The following ADAMTSL1 variants were observed in gnomAD, a reference collection of about 807,000 sequenced individuals.
The protein encoded by ADAMTSL1 is ADAMTS like 1.
A neutral mutation model predicts 201.8 loss-of-function variants in ADAMTSL1; 126 were observed. The observed-to-expected ratio is 0.62, with a 90% confidence interval of 0.54 to 0.72. The LOEUF is 0.72. ADAMTSL1 is among the 30% of genes least tolerant of loss of function. ADAMTSL1 has a pLI of 0.00. For missense variants in ADAMTSL1, 2,679 were observed against 2,277.8 expected (o/e 1.18, Z -3.59); for synonymous variants, 1,121 against 903.4 (o/e 1.24, Z -4.32).
At chr9:18,419,932 G>A (rs1314843348) in intron 2 of ADAMTSL1, among the ~76,000 whole-genome samples, 1 of 152,020 alleles carries the variant, frequency 6.6e-6, no homozygotes, top group Non-Finnish European at 1.5e-5. Context: ...GTTTCACCAT[G>A]TTGGTCAGGC....
At chr9:18,402,002 G>A (rs78758316) in intron 2 of ADAMTSL1, among the ~76,000 whole-genome samples, 3,081 of 152,264 alleles carry the variant, frequency 0.02, 44 homozygotes, top group Non-Finnish European at 0.03. Context: ...GGGAAGGAAA[G>A]CAGATTTCTT....
At chr9:18,104,103 C>G (rs10963451) in intron 1 of ADAMTSL1, among the ~76,000 whole-genome samples, 5,579 of 152,256 alleles carry the variant, frequency 0.037, 373 homozygotes, top group East Asian at 0.35. Flanking sequence ...CTTAGGGGAA[C>G]TACTTGTTCA....
intron 2 of ADAMTSL1, among the ~76,000 whole-genome samples, chr9:18,268,722 A>G (rs984540287): frequency 3.3e-5 from 5 of 152,198 alleles, no homozygotes; most frequent in Non-Finnish European, 7.3e-5. Context: ...TGTGGACTTT[A>G]AAAGAAGGAA....
Position 17,956,842 on chromosome 9 carries a change from T to G in ADAMTSL1, c.87+49920T>G, listed in dbSNP as rs552859733. ...AGATGAGCTCAGGGGGTCTGGGATA[T>G]TAGATAGACTTATATTTCATTGGGG... On this transcript the variant is annotated intron_variant, in intron 1 of 29. Coordinates refer to the ADAMTSL1 transcript ENST00000680146. Among the ~76,000 whole-genome samples the G allele has an allele frequency of 7.2e-5, 11 of 152,288 alleles. No homozygotes were observed. In the South Asian group the frequency reaches 2.1e-3, roughly 29 times the overall value.
intron 5 of ADAMTSL1, among the ~76,000 whole-genome samples, chr9:18,627,230 C>T (rs1826447231): frequency 6.6e-6 from 1 of 152,176 alleles, no homozygotes; most frequent in African/African-American, 2.4e-5. Context: ...GATCTGCCCA[C>T]CTCAACCTCC....
intron 2 of ADAMTSL1, among the ~76,000 whole-genome samples, chr9:18,399,338 A>T (rs7868636): frequency 0.22 from 16,748 of 77,430 alleles, 1,983 homozygotes; most frequent in South Asian, 0.31. Flanking sequence ...TAAAATTATT[A>T]TTTTCTTTTT....
chr9:18,263,686 G>A (rs1050078082), intron 2 of ADAMTSL1, among the ~76,000 whole-genome samples: 1 of 152,150 alleles, frequency 6.6e-6, no homozygotes, highest in Admixed American at 6.5e-5. Context: ...ACCCCCTAAG[G>A]GAGTAATTAA....
chr9:18,725,740 G>A (rs1817849275), intron 15 of ADAMTSL1, among the ~76,000 whole-genome samples: 1 of 151,952 alleles, frequency 6.6e-6, no homozygotes, highest in African/African-American at 2.4e-5. Context: ...TTCAGTTCTA[G>A]TTCCTTCTTA....
At chr9:18,042,441 G>A (rs950103245) in intron 1 of ADAMTSL1, among the ~76,000 whole-genome samples, 1 of 152,076 alleles carries the variant, frequency 6.6e-6, no homozygotes, top group Admixed American at 6.6e-5. Flanking sequence ...ACTGAGATAA[G>A]TTAAAAAAGA....
intron 1 of ADAMTSL1, among the ~76,000 whole-genome samples, chr9:18,496,882 G>C (rs1385424127): frequency 6.6e-6 from 1 of 152,208 alleles, no homozygotes; most frequent in Non-Finnish European, 1.5e-5. Flanking sequence ...CCTCTGGTTA[G>C]ATTAGATGGA....
chr9:18,089,594 T>G (rs192565963), intron 1 of ADAMTSL1, among the ~76,000 whole-genome samples: 10 of 152,236 alleles, frequency 6.6e-5, no homozygotes, highest in Admixed American at 2.6e-4. Flanking sequence ...TGTGCATGTA[T>G]CCCAGAACTT....
intron 2 of ADAMTSL1, among the ~76,000 whole-genome samples, chr9:18,277,499 G>T (rs981737025): frequency 6.6e-6 from 1 of 152,126 alleles, no homozygotes; most frequent in Non-Finnish European, 1.5e-5. Flanking sequence ...TTGTCTTGAT[G>T]AGTTGACTTC....
At chr9:18,439,065 G>A (rs566343336) in intron 2 of ADAMTSL1, among the ~76,000 whole-genome samples, 2 of 151,358 alleles carry the variant, frequency 1.3e-5, no homozygotes, top group Non-Finnish European at 2.9e-5. Flanking sequence ...AATTCCTTTG[G>A]AGGCTTCCTG....
intron 23 of ADAMTSL1, among the ~76,000 whole-genome samples, chr9:18,858,051 TAA>T (rs71494989): frequency 1.7e-4 from 26 of 151,272 alleles, no homozygotes; most frequent in African/African-American, 5.8e-4. Context: ...ACCCAGAATT[TAA>T]AAAAAAAATG....
chr9:18,401,712 A>G (rs1329717), intron 2 of ADAMTSL1, among the ~76,000 whole-genome samples: 84,743 of 151,980 alleles, frequency 0.56, 24,194 homozygotes, highest in African/African-American at 0.66. Flanking sequence ...CCTTTTCATC[A>G]AATATTAATA....
At chr9:18,507,392 G>A (rs2131947161) in intron 2 of ADAMTSL1, among the ~76,000 whole-genome samples, 1 of 152,242 alleles carries the variant, frequency 6.6e-6, no homozygotes. Context: ...GCATCTCCAA[G>A]GACAATTTAA....
At chr9:18,133,759 T>C (rs899760982) in intron 1 of ADAMTSL1, among the ~76,000 whole-genome samples, 1 of 152,124 alleles carries the variant, frequency 6.6e-6, no homozygotes, top group Non-Finnish European at 1.5e-5. Context: ...TGTATGTATA[T>C]ATTTACACAC....
In ADAMTSL1 at chr9:18,002,778, T is replaced by C. The variant is rs140895569; in HGVS notation, c.87+95856T>C. Among the ~76,000 whole-genome samples the C allele has an allele frequency of 2.2e-3, 339 of 152,168 alleles. 3 individuals are homozygous for C. Among genetic ancestry groups the C allele is most frequent in the Admixed American group, 0.019 (287 of 15,284 alleles). The stretch of plus-strand genomic sequence containing the variant: ...AAGGTCCAAAGAGCACTTAGCAGTA[T>C]ATATTGTTATCTCTATTTTGTAGGA... On this transcript the variant is annotated intron_variant, in intron 1 of 29. Transcript: ENST00000680146.
At chr9:18,114,518 T>C (rs984145240) in intron 1 of ADAMTSL1, among the ~76,000 whole-genome samples, 2 of 151,782 alleles carry the variant, frequency 1.3e-5, no homozygotes, top group Non-Finnish European at 2.9e-5. Context: ...AAAACCTGAG[T>C]GAAAAACCCA....
Sources: allele counts gnomAD v4.1 joint callset (sites outside exome capture counted in the v4.1 genomes callset), GRCh38; gene constraint gnomAD v4.1.1; transcripts MANE v1.5; gene names NCBI Gene and HGNC (gene_info 2026-07-23, HGNC 2026-07-21).